Variants in SCIN observed in about 807,000 individuals in gnomAD.
SCIN encodes the protein adseverin.
SCIN carries 91 observed loss-of-function variants against 91.8 expected under a neutral mutation model. The ratio of observed to expected loss-of-function variants is 0.99; its 90% CI spans 0.84 to 1.18. SCIN has a LOEUF of 1.18. Ranked by LOEUF, SCIN falls within the 50% of genes most tolerant of loss-of-function variation. SCIN has a pLI of 0.00. For missense variants in SCIN, 1,087 were observed against 863.9 expected (o/e 1.26, Z -3.24); for synonymous variants, 367 against 312.6 (o/e 1.17, Z -1.84).
chr7:12,651,818 A>T lies in SCIN; in HGVS notation c.1960-23A>T, dbSNP rs117381507. 4.5e-4 allele frequency: 652 copies of T among 1,461,554 alleles called. 1 individual carries two copies. The highest frequency in any genetic ancestry group is 4.0e-4 in the Non-Finnish European group (419 of 1,056,214). 90.5% of individuals were successfully genotyped at this position (1,461,554 alleles called of 1,614,324 possible). A position where few individuals can be genotyped will look rare whatever the true frequency, so the allele number is the denominator to read the frequency against. On this transcript the variant is annotated intron_variant, in intron 14 of 15. Coordinates refer to ENST00000297029, the MANE Select transcript of SCIN (RefSeq NM_001112706.3). This position sits in a 1 kb window ranked among gnomAD's most constrained non-coding sequence, Gnocchi z 5.9. ...AGTCAACATCCCAGAAATCATACATATTGTTATTGTTTCATTTTTCAGATA... is the reference window on the plus strand; with the variant it reads ...AGTCAACATCCCAGAAATCATACATTTTGTTATTGTTTCATTTTTCAGATA...
intron 9 of SCIN, among the ~76,000 whole-genome samples, chr7:12,629,828 T>C (rs559709512): frequency 6.6e-6 from 1 of 152,342 alleles, no homozygotes; most frequent in South Asian, 2.1e-4. Context: ...AAGTAATTTA[T>C]GTGCATACAC....
At chr7:12,625,659 A>C (rs1410308217) in intron 6 of SCIN, 103 bp from the exon 7 acceptor site, 2 of 890,724 alleles carry the variant, frequency 2.2e-6, no homozygotes, top group Non-Finnish European at 3.4e-6. Flanking sequence ...GCTGTATTTA[A>C]CTTCAATTAT....
chr7:12,584,535 C>CTA (rs1304890584), intron 3 of SCIN, among the ~76,000 whole-genome samples: 6 of 152,088 alleles, frequency 3.9e-5, no homozygotes, highest in Non-Finnish European at 8.8e-5. Flanking sequence ...TACAATATAA[C>CTA]CTCCTCAGCC....
chr7:12,608,310 C>T (rs145761655), intron 4 of SCIN, among the ~76,000 whole-genome samples: 2,235 of 86,548 alleles, frequency 0.026, 28 homozygotes, highest in Non-Finnish European at 0.033. Context: ...CTATACTATG[C>T]ATGCACACAT....
rs1784074866 is a variant in SCIN at position 12,651,360 on chromosome 7, T to C, written c.1960-481T>C. Among the ~76,000 whole-genome samples the C allele has an allele frequency of 6.6e-6, 1 of 152,216 alleles. No individual in the cohort carries two copies. Among genetic ancestry groups the C allele is most frequent in the Admixed American group, 6.5e-5 (1 of 15,282 alleles). On this transcript the variant is annotated intron_variant, in intron 14 of 15. Transcript: ENST00000297029. This position sits in a 1 kb window ranked among gnomAD's most constrained non-coding sequence, Gnocchi z 5.9. ...GAAAGTCCGGCTGCACCACTGCAGA[T>C]TCTCTACAGATGCAGATCTTCCCCT... is the stretch of plus-strand genomic sequence containing the variant.
chr7:12,576,823 G>A (rs1295110341), intron 1 of SCIN, among the ~76,000 whole-genome samples: 1 of 152,144 alleles, frequency 6.6e-6, no homozygotes, highest in East Asian at 1.9e-4. Flanking sequence ...GTTGCTTGAA[G>A]ATTAAATGAG....
chr7:12,619,365 T>A (rs1346676176), intron 4 of SCIN, among the ~76,000 whole-genome samples: 1 of 152,066 alleles, frequency 6.6e-6, no homozygotes, highest in Non-Finnish European at 1.5e-5. Context: ...TAAAGTTGAC[T>A]AAAAGGTAAA....
intron 4 of SCIN, among the ~76,000 whole-genome samples, chr7:12,610,390 T>G (rs965729141): frequency 2.0e-5 from 3 of 152,202 alleles, no homozygotes; most frequent in Admixed American, 6.5e-5. Context: ...AAAGAGTAAA[T>G]TTTTAGCCAT....
At chr7:12,623,625 G>C (rs1209738000) in intron 5 of SCIN, among the ~76,000 whole-genome samples, 1 of 152,108 alleles carries the variant, frequency 6.6e-6, no homozygotes, top group Non-Finnish European at 1.5e-5. Context: ...CCCTCCCCTT[G>C]CAACTTTCTA....
chr7:12,601,984 A>G, intron 3 of SCIN, among the ~76,000 whole-genome samples: 1 of 152,168 alleles, frequency 6.6e-6, no homozygotes, highest in East Asian at 1.9e-4. Context: ...TTATTGGGGG[A>G]AGTCGGTAGA....
intron 3 of SCIN, among the ~76,000 whole-genome samples, chr7:12,583,123 A>C (rs1434138534): frequency 9.9e-5 from 15 of 152,118 alleles, no homozygotes; most frequent in Admixed American, 9.8e-4. Flanking sequence ...TTAAAAAAAA[A>C]AACTTGTTAT....
chr7:12,636,488 C>T (rs922970066), intron 10 of SCIN, among the ~76,000 whole-genome samples: 7 of 152,136 alleles, frequency 4.6e-5, no homozygotes, highest in African/African-American at 1.7e-4. Context: ...CAGAATAATG[C>T]CCCCAAGGTG....
At chr7:12,601,800 G>A (rs1298621114) in intron 3 of SCIN, among the ~76,000 whole-genome samples, 2 of 152,144 alleles carry the variant, frequency 1.3e-5, no homozygotes, top group Non-Finnish European at 2.9e-5. Context: ...CTACTTAAAT[G>A]TAATTATATT....
intron 4 of SCIN, among the ~76,000 whole-genome samples, chr7:12,612,051 TG>T (rs1258547219): frequency 6.7e-6 from 1 of 149,062 alleles, no homozygotes; most frequent in Non-Finnish European, 1.5e-5. Context: ...CTCTGTACTT[TG>T]TAAGAATGGA....
chr7:12,609,269 A>G (rs1169382924), intron 4 of SCIN, among the ~76,000 whole-genome samples: 1 of 152,188 alleles, frequency 6.6e-6, no homozygotes, highest in African/African-American at 2.4e-5. Flanking sequence ...AGACAATCCT[A>G]TATGTGGAAA....
At chr7:12,576,502 C>T in intron 1 of SCIN, among the ~76,000 whole-genome samples, 1 of 152,066 alleles carries the variant, frequency 6.6e-6, no homozygotes, top group East Asian at 1.9e-4. Flanking sequence ...TTGGTGAATA[C>T]TGTCAGTTAG....
chr7:12,640,431 T>C lies in SCIN; in HGVS notation c.1495T>C (p.Ser499Pro). Residue 499 changes from serine to proline, a missense_variant, in exon 11 of 16, where the codon TCA (serine) becomes CCA (proline). Coordinates refer to ENST00000297029, the MANE Select transcript of SCIN (RefSeq NM_001112706.3). ...GCTCATTATTTACAAGAATGGAACA[T>C]CAAAGAAAGGAGGTCAGGCACCTGC... ...KPLIIYKNGTSKKGGQAPAPP... is the reference protein window; with the variant it reads ...KPLIIYKNGTPKKGGQAPAPP... 1 of 1,613,422 alleles carries C rather than the reference T, an allele frequency of 6.2e-7. No individual in the cohort carries two copies. The highest frequency in any genetic ancestry group is 1.3e-5 in the African/African-American group (1 of 74,914).
intron 3 of SCIN, among the ~76,000 whole-genome samples, chr7:12,581,486 C>G (rs1008805342): frequency 6.6e-6 from 1 of 152,208 alleles, no homozygotes; most frequent in African/African-American, 2.4e-5. Context: ...ATTTCCCCTT[C>G]TCTCTGAACA....
At chr7:12,620,038 CAA>C (rs938630586) in intron 4 of SCIN, among the ~76,000 whole-genome samples, 3 of 151,840 alleles carry the variant, frequency 2.0e-5, no homozygotes, top group South Asian at 2.1e-4. Context: ...GGATAATTGA[CAA>C]AGTTTGTACA....
Sources: gnomAD v4.1 joint callset for allele counts (sites outside exome capture counted in the v4.1 genomes callset) on GRCh38, gnomAD v4.1.1 for gene constraint, Gnocchi (gnomAD v3.1) non-coding constraint, MANE v1.5 for transcripts, NCBI Gene and HGNC (gene_info 2026-07-23, HGNC 2026-07-21) for gene names.